NAV2: variants seen among roughly 807,000 people sequenced by gnomAD.
NAV2 encodes neuron navigator 2.
In NAV2, 54 loss-of-function variants were observed where a neutral mutation model predicts 223.2. The ratio of observed to expected loss-of-function variants is 0.24; its 90% CI spans 0.19 to 0.30. The LOEUF (loss-of-function observed/expected upper bound fraction) is 0.30. Ranked by LOEUF, NAV2 falls within the 10% of genes least tolerant of loss-of-function variation. The pLI, the probability that NAV2 is intolerant of heterozygous loss-of-function variation, is 1.00. For synonymous variants in NAV2, 1,279 were observed against 1,239.3 expected, an observed-to-expected ratio of 1.03 and a Z score of -0.67; for missense variants, 2,806 against 3,147.5, an observed-to-expected ratio of 0.89 and a Z score of 2.60.
At chr11:19,502,185 G>C (rs1459353647) in intron 1 of NAV2, among the ~76,000 whole-genome samples, 1 of 152,026 alleles carries the variant, frequency 6.6e-6, no homozygotes, top group Non-Finnish European at 1.5e-5. Context: ...TTAAGCACAT[G>C]GTCTCAGGAA....
At chr11:19,865,124 C>T (rs1295649996) in intron 3 of NAV2, among the ~76,000 whole-genome samples, 2 of 152,196 alleles carry the variant, frequency 1.3e-5, no homozygotes, top group African/African-American at 2.4e-5. Context: ...CAAGTTTGGT[C>T]TTATTTACAT....
intron 1 of NAV2, among the ~76,000 whole-genome samples, chr11:19,562,106 T>C (rs1390090759): frequency 1.2e-4 from 18 of 152,236 alleles, no homozygotes; most frequent in Admixed American, 1.2e-3. Flanking sequence ...AGTGGTAATA[T>C]ACCCATTTTA....
intron 10 of NAV2, among the ~76,000 whole-genome samples, chr11:19,955,488 ATTGAGT>A (rs1302296186): frequency 6.6e-6 from 1 of 152,210 alleles, no homozygotes; most frequent in African/African-American, 2.4e-5. Context: ...TTGTAGCACC[ATTGAGT>A]TTGAGGACGT....
intron 1 of NAV2, among the ~76,000 whole-genome samples, chr11:19,524,951 T>C (rs1010044444): frequency 1.2e-4 from 19 of 152,344 alleles, no homozygotes; most frequent in African/African-American, 4.1e-4. Flanking sequence ...CAATTATATT[T>C]AGCAAGTTTG....
intron 1 of NAV2, among the ~76,000 whole-genome samples, chr11:19,360,267 A>G (rs770248996): frequency 6.6e-6 from 1 of 152,076 alleles, no homozygotes; most frequent in Non-Finnish European, 1.5e-5. Flanking sequence ...CCCACCTTTG[A>G]TGTATGTGTC....
intron 1 of NAV2, among the ~76,000 whole-genome samples, chr11:19,424,342 A>G (rs528794826): frequency 8.3e-4 from 127 of 152,270 alleles, no homozygotes; most frequent in Middle Eastern, 3.4e-3. Context: ...GGAGGCTGTA[A>G]GAGAGGAATT....
At chr11:19,565,027 C>T (rs979087950) in intron 1 of NAV2, among the ~76,000 whole-genome samples, 1 of 152,078 alleles carries the variant, frequency 6.6e-6, no homozygotes, top group African/African-American at 2.4e-5. Context: ...CCCAGCTACT[C>T]GGGAGGCTGA....
intron 1 of NAV2, among the ~76,000 whole-genome samples, chr11:19,601,542 A>G (rs1219807512): frequency 1.3e-5 from 2 of 152,026 alleles, no homozygotes; most frequent in African/African-American, 2.4e-5. Context: ...TTATTTATCC[A>G]TTGTGGTCCC....
chr11:19,626,327 C>T (rs916093164), intron 1 of NAV2, among the ~76,000 whole-genome samples: 1 of 152,172 alleles, frequency 6.6e-6, no homozygotes, highest in Non-Finnish European at 1.5e-5. Flanking sequence ...TGTCAAAAAT[C>T]AGTTGGCTGT....
At chr11:19,384,317 CT>C (rs1207585619) in intron 1 of NAV2, among the ~76,000 whole-genome samples, 1 of 152,192 alleles carries the variant, frequency 6.6e-6, no homozygotes, top group Non-Finnish European at 1.5e-5. Context: ...ACAGATATTA[CT>C]TTGGTAAAGA....
At chr11:19,996,790 T>C (rs2051935391) in intron 11 of NAV2, among the ~76,000 whole-genome samples, 1 of 152,172 alleles carries the variant, frequency 6.6e-6, no homozygotes, top group African/African-American at 2.4e-5. Context: ...TCTTCCTCAT[T>C]AATCTGTGGC....
chr11:19,835,171 C>T (rs2060163111), intron 2 of NAV2, among the ~76,000 whole-genome samples: 1 of 152,204 alleles, frequency 6.6e-6, no homozygotes, highest in African/African-American at 2.4e-5. Context: ...AGATGAACTT[C>T]CCTAGACAGT....
intron 1 of NAV2, chr11:19,510,943 A>C (rs2043260473): frequency 2.0e-5 from 3 of 152,214 alleles, no homozygotes; most frequent in Non-Finnish European, 4.4e-5. Flanking sequence ...CTGGAGTTAC[A>C]CGATATTTAT....
chr11:19,567,998 C>T (rs745588967), intron 1 of NAV2, among the ~76,000 whole-genome samples: 103 of 152,332 alleles, frequency 6.8e-4, no homozygotes, highest in Non-Finnish European at 1.1e-3. Context: ...CCTGGCTGTG[C>T]ACTCTCTGAG....
At chr11:19,896,102 A>G (rs1192492543) in intron 6 of NAV2, among the ~76,000 whole-genome samples, 1 of 152,198 alleles carries the variant, frequency 6.6e-6, no homozygotes, top group African/African-American at 2.4e-5. Context: ...TAAGTGAGTC[A>G]GACTCTGACT....
intron 12 of NAV2, among the ~76,000 whole-genome samples, chr11:20,036,390 C>G (rs542685996): frequency 4.5e-4 from 69 of 152,174 alleles, no homozygotes; most frequent in Non-Finnish European, 8.1e-4. Flanking sequence ...TGTTTAAAAA[C>G]AAACAACAGA....
rs751202137 is a variant in NAV2, at chr11:20,049,140, G to A, written c.4315G>A (p.Asp1439Asn). The change falls in exon 15 of 38, where the codon GAC becomes AAC. Residue 1439 changes from aspartate (D) to asparagine (N), a missense_variant. Around this residue, in one of 4 missense-constraint regions of NAV2, gnomAD observed 742 missense variants for 777.9 expected, o/e 0.95. Transcript: ENST00000349880. ...TGGCCTCATCGCCTCCTCCAAGGAC[G>A]ACTCCTTGACTCCCTTTGTCAGAAC... ...STGLIASSKDDSLTPFVRTNS... is the reference protein window; with the variant it reads ...STGLIASSKDNSLTPFVRTNS... The A allele has an allele frequency of 6.2e-6, 10 of 1,612,700 alleles. No individual in the cohort carries two copies. The highest frequency in any genetic ancestry group is 1.1e-5 in the South Asian group (1 of 90,814).
intron 1 of NAV2, among the ~76,000 whole-genome samples, chr11:19,636,769 C>T (rs552156059): frequency 2.6e-5 from 4 of 152,156 alleles, no homozygotes; most frequent in Admixed American, 6.5e-5. Flanking sequence ...CGCACCCGGC[C>T]GAGTTCTGCA....
At chr11:19,701,549 C>G (rs1017390322) in intron 1 of NAV2, among the ~76,000 whole-genome samples, 1 of 152,170 alleles carries the variant, frequency 6.6e-6, no homozygotes, top group Admixed American at 6.5e-5. Context: ...TAGTAGTTTT[C>G]ACTGCAACCT....
Sources: allele counts gnomAD v4.1 joint callset (sites outside exome capture counted in the v4.1 genomes callset), GRCh38; gene constraint gnomAD v4.1.1; regional missense constraint gnomAD v4.1.1; transcripts MANE v1.5; gene names NCBI Gene and HGNC (gene_info 2026-07-23, HGNC 2026-07-21).